Variants in CELF4 observed in about 807,000 individuals in gnomAD.
CELF4 encodes the protein CUGBP Elav-like family member 4, also known as CUG-BP- and ETR-3-like factor 4.
Under a neutral mutation model 59.9 loss-of-function variants are expected in CELF4, and 18 were observed. That is an observed-to-expected ratio of 0.30 (90% CI 0.21 to 0.45). The LOEUF is 0.45. Ranked by LOEUF, CELF4 falls within the 20% of genes least tolerant of loss-of-function variation. CELF4 has a pLI of 1.00. For synonymous variants in CELF4, 261 were observed against 267.1 expected, an observed-to-expected ratio of 0.98 and a Z score of 0.22; for missense variants, 456 against 689.0, an observed-to-expected ratio of 0.66 and a Z score of 3.79.
chr18:37,537,712 CT>C (rs2099974640), intron 1 of CELF4, among the ~76,000 whole-genome samples: 1 of 152,256 alleles, frequency 6.6e-6, no homozygotes, highest in South Asian at 2.1e-4. Flanking sequence ...CCTCCCTTTG[CT>C]TTCTCTGAAA....
intron 1 of CELF4, among the ~76,000 whole-genome samples, chr18:37,517,642 C>T (rs1015029843): frequency 2.0e-4 from 30 of 152,196 alleles, no homozygotes; most frequent in African/African-American, 6.8e-4. Flanking sequence ...GGCTCATCAG[C>T]GTGGCTGTGG....
chr18:37,316,001 G>C (rs570395126), intron 3 of CELF4, among the ~76,000 whole-genome samples: 1 of 152,312 alleles, frequency 6.6e-6, no homozygotes, highest in South Asian at 2.1e-4. Context: ...TGGGGGAACT[G>C]TCCTGTCACC....
intron 2 of CELF4, among the ~76,000 whole-genome samples, chr18:37,405,885 G>GC (rs1404566215): frequency 1.3e-5 from 2 of 152,000 alleles, no homozygotes; most frequent in African/African-American, 4.8e-5. Flanking sequence ...GGCTGGGCTG[G>GC]CCCCCCTCCA....
At chr18:37,506,659 G>A (rs983033362) in intron 1 of CELF4, among the ~76,000 whole-genome samples, 1 of 152,180 alleles carries the variant, frequency 6.6e-6, no homozygotes, top group Non-Finnish European at 1.5e-5. Context: ...CAGCAGGCCT[G>A]GAATGCTCCT....
At chr18:37,269,289 T>C (rs1017797727) in intron 8 of CELF4, among the ~76,000 whole-genome samples, 8 of 152,156 alleles carry the variant, frequency 5.3e-5, no homozygotes, top group Non-Finnish European at 1.2e-4. Context: ...TTGAGGGATA[T>C]ATTATGGGGC....
intron 2 of CELF4, among the ~76,000 whole-genome samples, chr18:37,396,876 C>G (rs1044104250): frequency 2.0e-5 from 3 of 152,174 alleles, no homozygotes; most frequent in Admixed American, 6.5e-5. Context: ...CTTTGTACCT[C>G]CCCAGCATGT....
intron 2 of CELF4, among the ~76,000 whole-genome samples, chr18:37,374,491 G>A (rs989144003): frequency 1.2e-4 from 18 of 152,156 alleles, no homozygotes; most frequent in African/African-American, 4.1e-4. Context: ...GCAACTGAGA[G>A]GCTCACTGCC....
intron 2 of CELF4, among the ~76,000 whole-genome samples, chr18:37,459,608 C>T (rs777456826): frequency 1.1e-4 from 17 of 152,142 alleles, no homozygotes; most frequent in South Asian, 2.1e-4. Context: ...ATGAAGCTCA[C>T]GTGTGACCCA....
chr18:37,507,446 C>T (rs780189975), intron 1 of CELF4, among the ~76,000 whole-genome samples: 1 of 152,366 alleles, frequency 6.6e-6, no homozygotes, highest in Admixed American at 6.5e-5. Flanking sequence ...TGGCCTCCAG[C>T]GTCTCTGTTT....
chr18:37,264,532 G>A (rs2076471404), intron 10 of CELF4, 142 bp downstream of exon 10: 2 of 685,046 alleles, frequency 2.9e-6, no homozygotes, highest in Admixed American at 2.2e-5. Flanking sequence ...TCACAGCACT[G>A]CTGTCTTCCC....
intron 3 of CELF4, chr18:37,306,306 T>A (rs1471135442): frequency 6.6e-6 from 1 of 152,274 alleles, no homozygotes; most frequent in Non-Finnish European, 1.5e-5. Flanking sequence ...CCCTGTGAAG[T>A]CGTCTTGGAC....
Position 37,541,619 on chromosome 18 carries a change from A to G in CELF4, c.286+23737T>C, listed in dbSNP as rs147136149. Among the ~76,000 whole-genome samples, 248 of 152,178 alleles carry G rather than the reference A, an allele frequency of 1.6e-3. 1 individual carries two copies. Among genetic ancestry groups the G allele is most frequent in the African/African-American group, 5.9e-3 (243 of 41,536 alleles). On this transcript the variant is annotated intron_variant, in intron 1 of 12. Transcript: ENST00000420428. ...AGAAAACAATTCAGACACCCCTGCCAGGCCTGATACAACCTGCCCCCACCA... is the reference window on the plus strand; with the variant it reads ...AGAAAACAATTCAGACACCCCTGCCGGGCCTGATACAACCTGCCCCCACCA...
rs1321163121 is a variant in CELF4, at chr18:37,338,762, GT to G, written c.370-16882del. The stretch of plus-strand genomic sequence containing the variant: ...ATGGACTTGAAAATGCAGGAGCCGT[GT>G]GTGTGTGTGTGTGTGTGTGTGTGTG... On this transcript the variant is annotated intron_variant, in intron 2 of 12. Coordinates refer to ENST00000420428, the MANE Select transcript of CELF4 (RefSeq NM_020180.4). Among the ~76,000 whole-genome samples, 4 of 147,696 alleles carry G rather than the reference GT, an allele frequency of 2.7e-5. 1 individual carries two copies. The highest frequency in any genetic ancestry group is 1.0e-4 in the African/African-American group (4 of 38,514).
intron 3 of CELF4, among the ~76,000 whole-genome samples, chr18:37,315,788 G>A (rs2096848262): frequency 6.6e-6 from 1 of 152,160 alleles, no homozygotes; most frequent in Admixed American, 6.5e-5. Flanking sequence ...CCAGGTATCA[G>A]CCACTCGTCC....
At chr18:37,464,446 A>T (rs1156267472) in intron 2 of CELF4, among the ~76,000 whole-genome samples, 11 of 152,224 alleles carry the variant, frequency 7.2e-5, no homozygotes, top group Non-Finnish European at 1.5e-5. Context: ...TGACTCAGGC[A>T]GCCCTTTCTA....
chr18:37,284,710 A>G (rs2094562133), intron 3 of CELF4, among the ~76,000 whole-genome samples: 1 of 152,232 alleles, frequency 6.6e-6, no homozygotes, highest in Admixed American at 6.5e-5. Flanking sequence ...TGGTGGTTGT[A>G]AGATCAACAA....
chr18:37,432,228 GC>G (rs1329498991), intron 2 of CELF4, among the ~76,000 whole-genome samples: 1 of 152,214 alleles, frequency 6.6e-6, no homozygotes, highest in East Asian at 1.9e-4. Flanking sequence ...TCTCTTCTGT[GC>G]AGCAGAAGGG....
chr18:37,452,092 G>A (rs1360287527), intron 2 of CELF4, among the ~76,000 whole-genome samples: 1 of 152,192 alleles, frequency 6.6e-6, no homozygotes, highest in Non-Finnish European at 1.5e-5. Flanking sequence ...AGTGGGATGT[G>A]GGGCAAGATT....
intron 2 of CELF4, among the ~76,000 whole-genome samples, chr18:37,379,574 G>T (rs1311934670): frequency 1.3e-5 from 2 of 150,732 alleles, no homozygotes; most frequent in Non-Finnish European, 2.9e-5. Flanking sequence ...AAGATCTGGG[G>T]TCCCATGGAA....
Sources: allele counts gnomAD v4.1 joint callset (sites outside exome capture counted in the v4.1 genomes callset), GRCh38; gene constraint gnomAD v4.1.1; transcripts MANE v1.5; gene names NCBI Gene and HGNC (gene_info 2026-07-23, HGNC 2026-07-21).